The following WDPCP variants were observed in gnomAD, a reference collection of about 807,000 sequenced individuals.
The protein encoded by WDPCP is WD repeat-containing and planar cell polarity effector protein fritz homolog.
A neutral mutation model predicts 93.1 loss-of-function variants in WDPCP; 71 were observed. The observed-to-expected ratio is 0.76, with a 90% CI of 0.63 to 0.93. The LOEUF is 0.93. Among genes scored for constraint, WDPCP ranks in the 40% least tolerant of loss-of-function variants. The pLI, the probability that WDPCP is intolerant of heterozygous loss-of-function variation, is 0.00. For synonymous variants in WDPCP, 315 were observed against 315.0 expected (o/e 1.00, Z 0.00); for missense variants, 844 against 887.4 (o/e 0.95, Z 0.62).
At chr2:63,551,759 CTTT>C (rs1003139594) in intron 1 of WDPCP, among the ~76,000 whole-genome samples, 2 of 151,954 alleles carry the variant, frequency 1.3e-5, no homozygotes, top group Non-Finnish European at 2.9e-5. Flanking sequence ...TGGCATAATG[CTTT>C]TGTTTTCTAA....
chr2:63,821,665 G>A (rs1671020628), intron 1 of WDPCP, among the ~76,000 whole-genome samples: 1 of 152,114 alleles, frequency 6.6e-6, no homozygotes, highest in African/African-American at 2.4e-5. Flanking sequence ...AATCTAGTTA[G>A]GATGTGGTCA....
At chr2:63,649,628 T>G (rs75997467) in intron 3 of WDPCP, among the ~76,000 whole-genome samples, 4,098 of 152,352 alleles carry the variant, frequency 0.027, 79 homozygotes, top group Non-Finnish European at 0.037. Flanking sequence ...TGAATAACTG[T>G]TTTCCATAGA....
chr2:63,307,861 C>T (rs750537290), intron 13 of WDPCP, among the ~76,000 whole-genome samples: 1 of 152,140 alleles, frequency 6.6e-6, no homozygotes, highest in East Asian at 1.9e-4. Flanking sequence ...CAACAAAAGC[C>T]GAAATTGACA....
In WDPCP at chr2:63,243,710, A is replaced by G. The variant is rs191127770; in HGVS notation, c.1915+15597T>C. Among the ~76,000 whole-genome samples the G allele has an allele frequency of 5.7e-3, 868 of 152,294 alleles. 3 individuals are homozygous for G. The highest frequency in any genetic ancestry group is 8.1e-3 in the Non-Finnish European group (551 of 68,028). On this transcript the variant is annotated intron_variant, in intron 14 of 17. Transcript: ENST00000272321. ...ACTGGAGCTCCCAAATTCATAAAAC[A>G]AGTACTTCTAGACCTATGAAAAGAC...
intron 13 of WDPCP, among the ~76,000 whole-genome samples, chr2:63,294,091 A>C (rs938879332): frequency 7.9e-5 from 12 of 152,080 alleles, no homozygotes; most frequent in African/African-American, 2.9e-4. Context: ...ACAAAGACAA[A>C]GGGAATGTTG....
chr2:63,526,082 C>A (rs779455445), intron 1 of WDPCP, among the ~76,000 whole-genome samples: 3 of 143,612 alleles, frequency 2.1e-5, no homozygotes, highest in Non-Finnish European at 4.6e-5. Flanking sequence ...TGTGTGTGTA[C>A]ACACACATAC....
At chr2:63,355,534 C>A (rs573647629) in intron 12 of WDPCP, among the ~76,000 whole-genome samples, 1 of 152,200 alleles carries the variant, frequency 6.6e-6, no homozygotes, top group East Asian at 1.9e-4. Flanking sequence ...TATCAAGCAA[C>A]CATACAAACA....
intron 12 of WDPCP, among the ~76,000 whole-genome samples, chr2:63,355,757 G>A (rs531591568): frequency 2.6e-5 from 4 of 152,010 alleles, no homozygotes; most frequent in Admixed American, 6.6e-5. Flanking sequence ...GCATGGTGGC[G>A]GACACCTATA....
intron 13 of WDPCP, among the ~76,000 whole-genome samples, chr2:63,309,496 T>C (rs937752662): frequency 2.6e-5 from 4 of 151,932 alleles, no homozygotes; most frequent in Non-Finnish European, 5.9e-5. Flanking sequence ...TCTCTTAAAA[T>C]AAACCAAACA....
At chr2:63,461,718 T>C (rs977219437) in intron 6 of WDPCP, among the ~76,000 whole-genome samples, 2 of 151,092 alleles carry the variant, frequency 1.3e-5, no homozygotes, top group African/African-American at 5.0e-5. Context: ...TGTTGGAATA[T>C]ATAATACATT....
chr2:63,762,357 T>C (rs1670068354), intron 2 of WDPCP, among the ~76,000 whole-genome samples: 1 of 152,150 alleles, frequency 6.6e-6, no homozygotes. Context: ...TCTGAAAATC[T>C]AACACGAAAT....
At chr2:63,716,547 CA>C (rs1486845826) in intron 2 of WDPCP, among the ~76,000 whole-genome samples, 1 of 152,164 alleles carries the variant, frequency 6.6e-6, no homozygotes, top group Non-Finnish European at 1.5e-5. Context: ...AATAAATATG[CA>C]AAAATAATAG....
chr2:63,748,422 G>C (rs1363384731), intron 2 of WDPCP, among the ~76,000 whole-genome samples: 1 of 151,814 alleles, frequency 6.6e-6, no homozygotes, highest in Non-Finnish European at 1.5e-5. Context: ...TAGTTAACTA[G>C]ATGTTTTTAT....
chr2:63,589,388 T>A (rs1275347748), upstream of WDPCP: 2 of 1,550,530 alleles, frequency 1.3e-6, no homozygotes, highest in East Asian at 4.9e-5. Context: ...CGATAAGGTT[T>A]GCGATGGGAG....
At chr2:63,784,007 T>G (rs530399074) in intron 2 of WDPCP, among the ~76,000 whole-genome samples, 3 of 152,340 alleles carry the variant, frequency 2.0e-5, no homozygotes, top group East Asian at 3.9e-4. Context: ...TTTGCAGTGT[T>G]GCTTTTGTTT....
intron 6 of WDPCP, among the ~76,000 whole-genome samples, chr2:63,468,038 C>T (rs1047189833): frequency 6.6e-6 from 1 of 152,132 alleles, no homozygotes; most frequent in African/African-American, 2.4e-5. Flanking sequence ...TACCAGCCAA[C>T]GACTGAGCAT....
At chr2:63,735,406 A>G (rs1463964133) in intron 2 of WDPCP, among the ~76,000 whole-genome samples, 1 of 152,154 alleles carries the variant, frequency 6.6e-6, no homozygotes, top group Non-Finnish European at 1.5e-5. Context: ...ATTTCTGGGC[A>G]TGTGAAGGAA....
At chr2:63,535,933 G>A (rs1012936660) in intron 1 of WDPCP, among the ~76,000 whole-genome samples, 1 of 152,150 alleles carries the variant, frequency 6.6e-6, no homozygotes, top group Non-Finnish European at 1.5e-5. Flanking sequence ...GCAACCTACA[G>A]AATGGGAGAA....
intron 3 of WDPCP, chr2:63,622,311 G>A (rs1199345255): frequency 1.9e-6 from 3 of 1,597,740 alleles, no homozygotes; most frequent in Non-Finnish European, 2.6e-6. Context: ...TGTTTTGGAA[G>A]GGGCCTCGCC....
Sources: gnomAD v4.1 joint callset for allele counts (sites outside exome capture counted in the v4.1 genomes callset) on GRCh38, gnomAD v4.1.1 for gene constraint, MANE v1.5 for transcripts, NCBI Gene and HGNC (gene_info 2026-07-23, HGNC 2026-07-21) for gene names.